Variants in BACH2 observed in about 807,000 individuals in gnomAD.
The protein encoded by BACH2 is transcription regulator protein BACH2.
Under a neutral mutation model 61.8 loss-of-function variants are expected in BACH2, and 5 were observed. That is an observed-to-expected ratio of 0.08 (90% confidence interval 0.04 to 0.17). The LOEUF (loss-of-function observed/expected upper bound fraction) is 0.17, where lower values mean the gene tolerates loss of function less well. Among genes scored for constraint, BACH2 ranks in the 10% least tolerant of loss-of-function variants. The pLI is 1.00. For missense variants in BACH2, 824 were observed against 1,091.1 expected (o/e 0.76, Z 3.45); for synonymous variants, 446 against 440.1 (o/e 1.01, Z -0.17).
intron 4 of BACH2, among the ~76,000 whole-genome samples, chr6:90,186,475 G>A (rs1392484199): frequency 6.6e-6 from 1 of 152,056 alleles, no homozygotes; most frequent in Middle Eastern, 3.2e-3. Context: ...TTTTAGTACG[G>A]TGGCTGTAAG....
chr6:90,210,311 CAACACA>C (rs1359185999), intron 3 of BACH2, among the ~76,000 whole-genome samples: 6 of 97,812 alleles, frequency 6.1e-5, no homozygotes, highest in African/African-American at 2.7e-4. Flanking sequence ...CACCCCAAAA[CAACACA>C]CACACACACA....
chr6:90,124,167 C>T (rs1476320270), intron 4 of BACH2, among the ~76,000 whole-genome samples: 1 of 152,122 alleles, frequency 6.6e-6, no homozygotes, highest in African/African-American at 2.4e-5. Flanking sequence ...TGCTCCCTCC[C>T]GCTTTCAGTG....
chr6:90,084,949 C>T (rs146385941), intron 5 of BACH2, among the ~76,000 whole-genome samples: 297 of 152,154 alleles, frequency 2.0e-3, no homozygotes, highest in African/African-American at 6.5e-3. Context: ...GTAGTGAAGA[C>T]GACCTGAATA....
intron 3 of BACH2, among the ~76,000 whole-genome samples, chr6:90,222,583 T>C (rs1360928388): frequency 6.6e-6 from 1 of 152,220 alleles, no homozygotes; most frequent in African/African-American, 2.4e-5. Context: ...AGTTTCATTG[T>C]TCCTTTTGAG....
intron 3 of BACH2, among the ~76,000 whole-genome samples, chr6:90,246,980 G>A (rs1283842516): frequency 6.6e-6 from 1 of 151,856 alleles, no homozygotes; most frequent in South Asian, 2.1e-4. Flanking sequence ...GTAAATTTAC[G>A]ATACTTGTTA....
At chr6:90,215,202 C>T (rs992227163) in intron 3 of BACH2, among the ~76,000 whole-genome samples, 1 of 152,152 alleles carries the variant, frequency 6.6e-6, no homozygotes, top group Non-Finnish European at 1.5e-5. Flanking sequence ...AAACCAGTTT[C>T]TGCCAAAACA....
intron 4 of BACH2, among the ~76,000 whole-genome samples, chr6:90,152,996 C>T (rs1177002906): frequency 1.3e-5 from 2 of 152,048 alleles, no homozygotes; most frequent in East Asian, 1.9e-4. Context: ...AAAGCGTTCT[C>T]GTATCAAATC....
intron 3 of BACH2, among the ~76,000 whole-genome samples, chr6:90,222,735 C>T (rs564341344): frequency 2.2e-3 from 336 of 152,282 alleles, no homozygotes; most frequent in African/African-American, 7.8e-3. Context: ...CTTCCTCGTT[C>T]TTTATGTCTC....
At chr6:90,171,028 T>TA (rs368632444) in intron 4 of BACH2, among the ~76,000 whole-genome samples, 96 of 139,058 alleles carry the variant, frequency 6.9e-4, no homozygotes, top group East Asian at 1.4e-3. Flanking sequence ...GTGGGTAAAT[T>TA]AAAAAAAAAA....
chr6:89,997,823 G>C (rs1030565446), intron 6 of BACH2, among the ~76,000 whole-genome samples: 2 of 152,146 alleles, frequency 1.3e-5, no homozygotes, highest in Non-Finnish European at 2.9e-5. Flanking sequence ...ATAAACCCAA[G>C]GGTGTGGCCA....
chr6:90,269,822 G>A (rs1312510512), intron 2 of BACH2, among the ~76,000 whole-genome samples: 3 of 152,126 alleles, frequency 2.0e-5, no homozygotes, highest in Admixed American at 6.5e-5. Context: ...TGGGACACAC[G>A]CTGGGCAGCT....
intron 3 of BACH2, among the ~76,000 whole-genome samples, chr6:90,244,426 G>C (rs894460651): frequency 2.0e-5 from 3 of 152,188 alleles, no homozygotes; most frequent in African/African-American, 7.2e-5. Flanking sequence ...GCTCAGTGAA[G>C]TCAAGCAGAA....
chr6:90,021,939 G>A (rs1222566712), intron 5 of BACH2, among the ~76,000 whole-genome samples: 3 of 152,160 alleles, frequency 2.0e-5, no homozygotes, highest in Non-Finnish European at 4.4e-5. Flanking sequence ...AGTGCCAAGG[G>A]AACTGAAATT....
At chr6:89,966,033 T>C (rs1342626747) in intron 6 of BACH2, among the ~76,000 whole-genome samples, 24 of 152,212 alleles carry the variant, frequency 1.6e-4, no homozygotes, top group African/African-American at 2.4e-5. Flanking sequence ...TCTGAAGATG[T>C]ATGTATCAGC....
At chr6:89,959,076 A>G (rs1274128726) in intron 6 of BACH2, among the ~76,000 whole-genome samples, 1 of 149,312 alleles carries the variant, frequency 6.7e-6, no homozygotes, top group East Asian at 2.0e-4. Context: ...GGCCCTGTCA[A>G]TAACACATGC....
At chr6:90,085,895 A>G (rs1781913480) in intron 5 of BACH2, among the ~76,000 whole-genome samples, 1 of 152,142 alleles carries the variant, frequency 6.6e-6, no homozygotes, top group Non-Finnish European at 1.5e-5. Flanking sequence ...AAATACATTC[A>G]CATTGTTGTG....
At chr6:90,257,426 G>T (rs1029003954) in intron 2 of BACH2, among the ~76,000 whole-genome samples, 2 of 152,210 alleles carry the variant, frequency 1.3e-5, no homozygotes, top group Non-Finnish European at 2.9e-5. Flanking sequence ...TAACAGTTGT[G>T]AGGAGGTAAA....
chr6:90,116,789 T>C (rs1783419228), intron 4 of BACH2: 5 of 479,510 alleles, frequency 1.0e-5, no homozygotes, highest in Admixed American at 3.0e-5. Context: ...AGTGACAGAA[T>C]AGGTCCCTGG....
chr6:90,106,350 T>C (rs1207072049), intron 4 of BACH2, among the ~76,000 whole-genome samples: 2 of 152,232 alleles, frequency 1.3e-5, no homozygotes, highest in Non-Finnish European at 2.9e-5. Context: ...AGACTGCATA[T>C]ATAATGGTGG....
Sources: allele counts gnomAD v4.1 joint callset (sites outside exome capture counted in the v4.1 genomes callset), GRCh38; gene constraint gnomAD v4.1.1; transcripts MANE v1.5; gene names NCBI Gene and HGNC (gene_info 2026-07-23, HGNC 2026-07-21).